The following SOX6 variants were observed in gnomAD, a reference collection of about 807,000 sequenced individuals.
The protein encoded by SOX6 is SRY-box transcription factor 6, also known as transcription factor SOX-6.
SOX6 carries 11 observed loss-of-function variants against 97.8 expected under a neutral mutation model. The ratio of observed to expected loss-of-function variants is 0.11; its 90% CI spans 0.07 to 0.19. The LOEUF (loss-of-function observed/expected upper bound fraction) is 0.19, where lower values mean the gene tolerates loss of function less well. Ranked by LOEUF, SOX6 falls within the 10% of genes least tolerant of loss-of-function variation. The probability of loss-of-function intolerance (pLI) is 1.00; values close to 1 mark genes in which losing one functional copy is unlikely to be tolerated. For synonymous variants in SOX6, 360 were observed against 371.4 expected, an observed-to-expected ratio of 0.97 and a Z score of 0.35; for missense variants, 810 against 1,039.5, an observed-to-expected ratio of 0.78 and a Z score of 3.04.
intron 1 of SOX6, among the ~76,000 whole-genome samples, chr11:16,384,666 T>C (rs1052051333): frequency 2.0e-5 from 3 of 151,790 alleles, no homozygotes; most frequent in African/African-American, 7.3e-5. Flanking sequence ...TCAAAAAGCA[T>C]AGTCATAAGG....
intron 1 of SOX6, among the ~76,000 whole-genome samples, chr11:16,446,017 G>A (rs1859603313): frequency 6.6e-6 from 1 of 152,000 alleles, no homozygotes. Flanking sequence ...GTGTGTTTGG[G>A]ATATGGGAGA....
chr11:16,255,935 C>A (rs1399881757), intron 3 of SOX6, among the ~76,000 whole-genome samples: 1 of 151,198 alleles, frequency 6.6e-6, no homozygotes, highest in East Asian at 1.9e-4. Context: ...ATCTTTTTAA[C>A]AACTCCATAG....
chr11:16,203,058 T>C (rs968217915), intron 4 of SOX6, among the ~76,000 whole-genome samples: 1 of 152,052 alleles, frequency 6.6e-6, no homozygotes, highest in African/African-American at 2.4e-5. Flanking sequence ...GGTAGTACAA[T>C]CAGGGTTTCA....
chr11:16,058,879 G>A (rs1564930912), intron 9 of SOX6, among the ~76,000 whole-genome samples: 1 of 152,056 alleles, frequency 6.6e-6, no homozygotes, highest in Non-Finnish European at 1.5e-5. Context: ...GAGGAGGCAG[G>A]GATGGTAGTT....
rs201801065 is a variant in SOX6 at position 16,022,331 on chromosome 11, T to C, written c.1624-7281A>G. On this transcript the variant is annotated intron_variant, in intron 12 of 15. Coordinates refer to ENST00000683767, the MANE Select transcript of SOX6 (RefSeq NM_001367873.1). ...TTTTCCTTCCTTCCTTCCTTCCTTC[T>C]TTCCTTCCTTCCTTCCTTCCTTCCT... 1.2e-3 allele frequency among the ~76,000 whole-genome samples: 134 copies of C among 113,836 alleles called. No homozygotes were observed. In the Middle Eastern group the frequency reaches 0.029, roughly 25 times the overall value. 74.7% of individuals were successfully genotyped at this position (113,836 alleles called of 152,430 possible). A position where few individuals can be genotyped will look rare whatever the true frequency, so the allele number is the denominator to read the frequency against.
intron 7 of SOX6, among the ~76,000 whole-genome samples, chr11:16,106,089 G>T (rs1218767267): frequency 6.6e-6 from 1 of 152,022 alleles, no homozygotes; most frequent in African/African-American, 2.4e-5. Context: ...TGTGCTCATG[G>T]GTAGGAAGAT....
chr11:16,247,686 C>A (rs1853380064), intron 3 of SOX6, among the ~76,000 whole-genome samples: 1 of 152,086 alleles, frequency 6.6e-6, no homozygotes, highest in Admixed American at 6.6e-5. Context: ...CCTACAATTA[C>A]CTCCCACCAG....
At chr11:16,405,511 C>G (rs1461502559) in intron 1 of SOX6, among the ~76,000 whole-genome samples, 1 of 152,050 alleles carries the variant, frequency 6.6e-6, no homozygotes, top group East Asian at 1.9e-4. Flanking sequence ...TAAGGCCCTA[C>G]TTCTGTCCAG....
At chr11:16,339,884 G>C (rs1393759687) in intron 2 of SOX6, among the ~76,000 whole-genome samples, 2 of 152,016 alleles carry the variant, frequency 1.3e-5, no homozygotes, top group Admixed American at 1.3e-4. Context: ...AAACAGACTT[G>C]CTTTATTACC....
intron 2 of SOX6, among the ~76,000 whole-genome samples, chr11:16,721,624 T>C (rs1215484366): frequency 1.8e-5 from 2 of 111,066 alleles, no homozygotes; most frequent in African/African-American, 7.7e-5. Flanking sequence ...CCTCCCTCTC[T>C]CTCTCTCTCT....
chr11:16,657,390 T>G (rs983727109), intron 3 of SOX6, among the ~76,000 whole-genome samples: 8 of 152,246 alleles, frequency 5.3e-5, no homozygotes, highest in African/African-American at 1.9e-4. Context: ...TCAGCAATTA[T>G]GAATAAAGCT....
intron 4 of SOX6, among the ~76,000 whole-genome samples, chr11:16,219,990 C>T (rs1416888511): frequency 6.6e-6 from 1 of 151,966 alleles, no homozygotes; most frequent in Non-Finnish European, 1.5e-5. Context: ...CATTTTAAAA[C>T]TATATGTTTA....
intron 4 of SOX6, among the ~76,000 whole-genome samples, chr11:16,562,970 C>G (rs899558757): frequency 6.6e-6 from 1 of 152,030 alleles, no homozygotes; most frequent in Non-Finnish European, 1.5e-5. Context: ...CTAGCTAAAA[C>G]AAGTTTACAA....
intron 6 of SOX6, among the ~76,000 whole-genome samples, chr11:16,151,336 T>C (rs184073894): frequency 1.3e-5 from 2 of 152,316 alleles, no homozygotes; most frequent in Admixed American, 1.3e-4. Context: ...GAATTTGTCA[T>C]GTCAGCTTTT....
chr11:16,662,872 C>T lies in SOX6; in HGVS notation n.430-50612G>A, dbSNP rs147230620. Among the ~76,000 whole-genome samples, 65 of 151,882 alleles carry T rather than the reference C, an allele frequency of 4.3e-4. No homozygotes were observed. In the East Asian group the frequency reaches 0.011, roughly 25 times the overall value. On this transcript the variant is annotated intron_variant and non_coding_transcript_variant, in intron 3 of 5. Transcript: ENST00000524520. ...TCACGCCTGGCTTTTTTGGGGGAGGCGGGGGAGATAGTGTCTCCTATGTTT... is the reference window on the plus strand; with the variant it reads ...TCACGCCTGGCTTTTTTGGGGGAGGTGGGGGAGATAGTGTCTCCTATGTTT...
chr11:16,180,561 A>G (rs1423449787), intron 6 of SOX6, among the ~76,000 whole-genome samples: 1 of 151,654 alleles, frequency 6.6e-6, no homozygotes, highest in Non-Finnish European at 1.5e-5. Context: ...AGAAATCATC[A>G]TTTTCCCCAA....
At chr11:15,994,458 A>AC (rs5789932) in intron 13 of SOX6, among the ~76,000 whole-genome samples, 62,038 of 148,934 alleles carry the variant, frequency 0.42, 13,395 homozygotes, top group East Asian at 0.62. Context: ...AAAGGGGAGT[A>AC]TAAGAGATGA....
intron 3 of SOX6, among the ~76,000 whole-genome samples, chr11:16,254,783 T>C (rs1853633794): frequency 6.6e-6 from 1 of 151,796 alleles, no homozygotes; most frequent in Non-Finnish European, 1.5e-5. Context: ...ACTACACCAA[T>C]AATCATAAAT....
chr11:16,506,246 C>T (rs1860787091), intron 4 of SOX6, among the ~76,000 whole-genome samples: 1 of 152,194 alleles, frequency 6.6e-6, no homozygotes, highest in Non-Finnish European at 1.5e-5. Context: ...GCCTACCCAT[C>T]GCATCACTGT....
Sources: allele counts gnomAD v4.1 joint callset (sites outside exome capture counted in the v4.1 genomes callset), GRCh38; gene constraint gnomAD v4.1.1; transcripts MANE v1.5; gene names NCBI Gene and HGNC (gene_info 2026-07-23, HGNC 2026-07-21).